The following ASH1L variants were observed in gnomAD, a reference collection of about 807,000 sequenced individuals.
ASH1L encodes the protein ASH1 like histone lysine methyltransferase, also known as histone-lysine N-methyltransferase ASH1L.
A neutral mutation model predicts 269.0 loss-of-function variants in ASH1L; 23 were observed. The observed-to-expected ratio is 0.09, with a 90% CI of 0.06 to 0.12. ASH1L has a LOEUF of 0.12. Among genes scored for constraint, ASH1L ranks in the 10% least tolerant of loss-of-function variants. The pLI, the probability that ASH1L is intolerant of heterozygous loss-of-function variation, is 1.00. For synonymous variants in ASH1L, 1,187 were observed against 1,253.5 expected (o/e 0.95, Z 1.12); for missense variants, 2,912 against 3,567.8 (o/e 0.82, Z 4.68).
Position 155,433,292 on chromosome 1 carries a change from T to G in ASH1L, c.5828+5035A>C, listed in dbSNP as rs1180411297. The G allele has an allele frequency of 1.0e-5, 16 of 1,571,926 alleles. No homozygotes were observed. The East Asian group carries it at 3.8e-4, about 37-fold the overall frequency. The stretch of plus-strand genomic sequence containing the variant: ...GGTTGATCCTCGGACCTGGCTAAGC[T>G]TCCAAGGCCCTCCTGGAGGGCCAGG... On this transcript the variant is annotated intron_variant, in intron 5 of 27. Transcript: ENST00000392403.
Position 155,478,490 on chromosome 1 carries a change from G to A in ASH1L, c.4380C>T (p.Leu1460=). 1 of 1,614,152 alleles carries A rather than the reference G, an allele frequency of 6.2e-7. No individual in the cohort carries two copies. The highest frequency in any genetic ancestry group is 8.5e-7 in the Non-Finnish European group (1 of 1,180,020). Residue 1460 remains leucine, a synonymous_variant, in exon 3 of 28, where the codon CTC becomes CTT. Coordinates refer to ENST00000392403, the MANE Select transcript of ASH1L (RefSeq NM_018489.3). This position sits in a 1 kb window ranked among gnomAD's most constrained non-coding sequence, Gnocchi z 4.6. ...CACTGGGGTAGGTACTCATGGAAAG[G>A]AGGGGAGTCCTGCTGGTTGTAAGAA... ...EAFLTTSRTP[L]LSMSTYPSVP...
chr1:155,445,859 ATTGTGTGTGTGTGTGT>A (rs1392453531), intron 4 of ASH1L, among the ~76,000 whole-genome samples: 1 of 151,436 alleles, frequency 6.6e-6, no homozygotes, highest in South Asian at 2.1e-4. Context: ...GAGTACATAG[ATTGTGTGTGTGTGTGT>A]TTGTGTGTGT....
chr1:155,420,341 G>T (rs898777999), intron 5 of ASH1L, among the ~76,000 whole-genome samples: 1 of 130,774 alleles, frequency 7.6e-6, no homozygotes, highest in African/African-American at 2.9e-5. Flanking sequence ...TCCAGCCTGG[G>T]CAACAGAATG....
At chr1:155,390,636 C>T (rs935209260) in intron 7 of ASH1L, among the ~76,000 whole-genome samples, 6 of 133,662 alleles carry the variant, frequency 4.5e-5, no homozygotes, top group African/African-American at 1.3e-4. Context: ...TCATTCTCCC[C>T]CCCCCCCCTT....
At chr1:155,464,296 T>C (rs567455002) in intron 3 of ASH1L, among the ~76,000 whole-genome samples, 19 of 152,130 alleles carry the variant, frequency 1.2e-4, no homozygotes, top group South Asian at 4.1e-4. Flanking sequence ...AAGAACACAA[T>C]TGTAGATATC....
Position 155,451,558 on chromosome 1 carries a change from A to G in ASH1L, c.5086+8239T>C, listed in dbSNP as rs1211710990. Among the ~76,000 whole-genome samples, 7 of 152,104 alleles carry G rather than the reference A, an allele frequency of 4.6e-5. No homozygotes were observed. The South Asian group carries it at 1.2e-3, about 27-fold the overall frequency. ...GCGGATCACCTGAGGTCAGGAGTTC[A>G]AGACCAGCCTGGCCAGCATGGCAAA... On this transcript the variant is annotated intron_variant, in intron 4 of 27. Coordinates refer to ENST00000392403, the MANE Select transcript of ASH1L (RefSeq NM_018489.3).
intron 2 of ASH1L, among the ~76,000 whole-genome samples, chr1:155,495,002 G>C (rs1200280351): frequency 6.6e-6 from 1 of 152,136 alleles, no homozygotes; most frequent in Non-Finnish European, 1.5e-5. Flanking sequence ...ATATTTCCAG[G>C]AGCGACAAAT....
intron 2 of ASH1L, among the ~76,000 whole-genome samples, chr1:155,489,460 C>T (rs1322014316): frequency 4.5e-5 from 6 of 132,538 alleles, no homozygotes; most frequent in African/African-American, 1.2e-4. Flanking sequence ...GGAGACAGAC[C>T]GAGGCTCTGT....
chr1:155,493,080 G>T (rs1191620113), intron 2 of ASH1L, among the ~76,000 whole-genome samples: 1 of 152,150 alleles, frequency 6.6e-6, no homozygotes, highest in Non-Finnish European at 1.5e-5. Context: ...GCCTCCCAAA[G>T]TGTTGGAATT....
At chr1:155,339,586 T>G (rs1377531718) in intron 25 of ASH1L, among the ~76,000 whole-genome samples, 1 of 152,196 alleles carries the variant, frequency 6.6e-6, no homozygotes, top group African/African-American at 2.4e-5. Context: ...AAGTGCACAA[T>G]TTTCTCTATC....
chr1:155,469,728 CAGAGCCTCATAATA>C (rs1664953355), intron 3 of ASH1L, among the ~76,000 whole-genome samples: 2 of 152,184 alleles, frequency 1.3e-5, no homozygotes, highest in Admixed American at 1.3e-4. Context: ...TACCTTGGCT[CAGAGCCTCATAATA>C]AGAGCCTCAT....
At chr1:155,509,938 A>G (rs1405167283) in intron 2 of ASH1L, among the ~76,000 whole-genome samples, 4 of 152,228 alleles carry the variant, frequency 2.6e-5, no homozygotes, top group African/African-American at 9.6e-5. Flanking sequence ...AAAACACTAC[A>G]AAGATCTGCA....
At chr1:155,437,429 A>T (rs1662193265) in intron 5 of ASH1L, among the ~76,000 whole-genome samples, 1 of 150,338 alleles carries the variant, frequency 6.7e-6, no homozygotes, top group African/African-American at 2.4e-5. Context: ...TGGCTGCTAT[A>T]AAAAAAAAAT....
At chr1:155,459,502 A>G (rs1664134446) in intron 4 of ASH1L, among the ~76,000 whole-genome samples, 2 of 152,088 alleles carry the variant, frequency 1.3e-5, no homozygotes, top group South Asian at 2.1e-4. Context: ...GGCCTTAAGC[A>G]ATTTTATATG....
intron 2 of ASH1L, among the ~76,000 whole-genome samples, chr1:155,493,009 C>T (rs1666915097): frequency 6.6e-6 from 1 of 151,904 alleles, no homozygotes; most frequent in East Asian, 1.9e-4. Flanking sequence ...AGAGATAAGA[C>T]ACTCACTTTG....
intron 21 of ASH1L, 158 bp from the exon 22 acceptor site, chr1:155,344,431 G>A: frequency 1.8e-6 from 1 of 565,856 alleles, no homozygotes; most frequent in Non-Finnish European, 3.1e-6. Context: ...TGTTAAACCT[G>A]GAAAAGTGAA....
At position 155,339,281 on chromosome 1, in the gene ASH1L, C is replaced by G. The variant is rs139922898; in HGVS notation, c.8501+47G>C. On this transcript the variant is annotated intron_variant, in intron 26 of 27. Transcript: ENST00000392403. ...TGTTTGTTTTCTTGATCCATTCAAG[C>G]TCTTAGTCAATCCCTTAGGATCCTC... The G allele has an allele frequency of 1.1e-4, 174 of 1,566,252 alleles. No individual in the cohort carries two copies. The East Asian group carries it at 3.8e-3, about 34-fold the overall frequency.
intron 5 of ASH1L, among the ~76,000 whole-genome samples, chr1:155,427,627 TG>T (rs888446535): frequency 2.6e-5 from 4 of 151,102 alleles, no homozygotes; most frequent in African/African-American, 9.7e-5. Flanking sequence ...TTAGTAGAGA[TG>T]GGTGTTCACT....
chr1:155,476,860 C>T (rs1665592497), intron 3 of ASH1L, among the ~76,000 whole-genome samples: 1 of 151,754 alleles, frequency 6.6e-6, no homozygotes, highest in Non-Finnish European at 1.5e-5. Flanking sequence ...GCCTAATGCA[C>T]AAGTTTTTAA....
Sources: gnomAD v4.1 joint callset for allele counts (sites outside exome capture counted in the v4.1 genomes callset) on GRCh38, gnomAD v4.1.1 for gene constraint, Gnocchi (gnomAD v3.1) non-coding constraint, MANE v1.5 for transcripts, NCBI Gene and HGNC (gene_info 2026-07-23, HGNC 2026-07-21) for gene names.